LRMDA: variants seen among roughly 807,000 people sequenced by gnomAD.
The protein encoded by LRMDA is leucine rich melanocyte differentiation associated, also known as leucine-rich melanocyte differentiation-associated protein.
A neutral mutation model predicts 29.8 loss-of-function variants in LRMDA; 18 were observed. That is an observed-to-expected ratio of 0.60 (90% CI 0.42 to 0.90). The LOEUF (loss-of-function observed/expected upper bound fraction) is 0.90. Ranked by LOEUF, LRMDA falls within the 40% of genes least tolerant of loss-of-function variation. The probability of loss-of-function intolerance (pLI) is 0.00; values close to 1 mark genes in which losing one functional copy is unlikely to be tolerated. For synonymous variants in LRMDA, 125 were observed against 109.4 expected (o/e 1.14, Z -0.89); for missense variants, 273 against 273.9 (o/e 1.00, Z 0.02).
intron 5 of LRMDA, among the ~76,000 whole-genome samples, chr10:76,225,728 A>ATTTAT: frequency 1.4e-5 from 2 of 148,122 alleles, no homozygotes; most frequent in African/African-American, 2.5e-5. Flanking sequence ...TTATTATTAT[A>ATTTAT]TATATATTTT....
At chr10:76,043,642 T>G (rs1249895172) in intron 3 of LRMDA, among the ~76,000 whole-genome samples, 1 of 152,196 alleles carries the variant, frequency 6.6e-6, no homozygotes, top group Non-Finnish European at 1.5e-5. Context: ...AAGAAACCCT[T>G]GACGCATGAG....
At chr10:76,545,569 A>C (rs1350289425) in intron 6 of LRMDA, among the ~76,000 whole-genome samples, 1 of 151,658 alleles carries the variant, frequency 6.6e-6, no homozygotes, top group East Asian at 1.9e-4. Flanking sequence ...TTTCCTGTTA[A>C]TGTAATTGCA....
intron 2 of LRMDA, among the ~76,000 whole-genome samples, chr10:75,438,786 C>T (rs983840672): frequency 6.6e-6 from 1 of 152,210 alleles, no homozygotes; most frequent in Non-Finnish European, 1.5e-5. Context: ...CTTTTCATTT[C>T]TCACGGATAC....
intron 2 of LRMDA, among the ~76,000 whole-genome samples, chr10:75,909,038 A>G (rs1845803284): frequency 1.3e-5 from 2 of 152,152 alleles, no homozygotes; most frequent in African/African-American, 4.8e-5. Context: ...TTCTACAAAT[A>G]TTTGTTAAAT....
intron 2 of LRMDA, among the ~76,000 whole-genome samples, chr10:75,521,668 G>C (rs1302234992): frequency 6.6e-6 from 1 of 152,214 alleles, no homozygotes; most frequent in Non-Finnish European, 1.5e-5. Flanking sequence ...CACTTCCCAG[G>C]TGAGGCGATG....
At chr10:75,507,276 A>C (rs1469464532) in intron 2 of LRMDA, among the ~76,000 whole-genome samples, 2 of 152,124 alleles carry the variant, frequency 1.3e-5, no homozygotes, top group Non-Finnish European at 1.5e-5. Context: ...ACTACAGCCT[A>C]TTGGGGGCGA....
intron 2 of LRMDA, among the ~76,000 whole-genome samples, chr10:75,458,125 G>A (rs1200747043): frequency 1.3e-5 from 2 of 152,106 alleles, no homozygotes; most frequent in Non-Finnish European, 2.9e-5. Flanking sequence ...CTCCAAATGG[G>A]AGATAGAAGG....
chr10:76,514,116 G>C (rs1371774354), intron 6 of LRMDA, among the ~76,000 whole-genome samples: 2 of 152,150 alleles, frequency 1.3e-5, no homozygotes, highest in Non-Finnish European at 2.9e-5. Context: ...GCAACTTTAA[G>C]TAGCACCCCA....
rs1841189710 is a variant in LRMDA at position 76,352,498 on chromosome 10, A to G, written c.601+28013A>G. Among the ~76,000 whole-genome samples the G allele has an allele frequency of 4.6e-5, 7 of 152,076 alleles. No individual in the cohort carries two copies. The South Asian group carries it at 1.5e-3, about 32-fold the overall frequency. On this transcript the variant is annotated intron_variant, in intron 6 of 6. Coordinates refer to ENST00000611255, the MANE Select transcript of LRMDA (RefSeq NM_001305581.2). The stretch of plus-strand genomic sequence containing the variant: ...TCTATATACAGAATGGACACACTGG[A>G]CATAGCGATGACTCACATCCTGGGC...
In LRMDA at chr10:76,125,448, G is replaced by A. The variant is rs192718972; in HGVS notation, c.516+66665G>A. 1.6e-3 allele frequency among the ~76,000 whole-genome samples: 245 copies of A among 152,296 alleles called. 1 individual carries two copies. Among genetic ancestry groups the A allele is most frequent in the African/African-American group, 5.4e-3 (226 of 41,558 alleles). On this transcript the variant is annotated intron_variant, in intron 5 of 6. Coordinates refer to ENST00000611255, the MANE Select transcript of LRMDA (RefSeq NM_001305581.2). ...TGCTATGTTTACAGAATGTATATTT[G>A]GAAGTTGCATGTACTAATTGGATTT... is the stretch of plus-strand genomic sequence containing the variant.
intron 2 of LRMDA, chr10:75,450,456 A>T (rs1377792304): frequency 6.8e-6 from 1 of 147,288 alleles, no homozygotes; most frequent in Non-Finnish European, 1.5e-5. Context: ...GAAGACCAAC[A>T]AAAGAGGTTT....
chr10:76,530,809 C>T (rs184200218), intron 6 of LRMDA, among the ~76,000 whole-genome samples: 156 of 152,194 alleles, frequency 1.0e-3, no homozygotes, highest in African/African-American at 3.7e-3. Context: ...AGAGCTAGAC[C>T]GTACTCCACG....
chr10:76,507,293 G>T (rs1016137562), intron 6 of LRMDA, among the ~76,000 whole-genome samples: 7 of 151,096 alleles, frequency 4.6e-5, no homozygotes, highest in African/African-American at 1.7e-4. Flanking sequence ...AAAAAAATCA[G>T]ATTGTTATTA....
intron 6 of LRMDA, among the ~76,000 whole-genome samples, chr10:76,388,039 G>A (rs891591439): frequency 1.3e-5 from 2 of 152,162 alleles, no homozygotes; most frequent in African/African-American, 4.8e-5. Context: ...TTCTTTGAAC[G>A]AAAAATGTAG....
intron 2 of LRMDA, among the ~76,000 whole-genome samples, chr10:75,700,103 T>G (rs557145583): frequency 6.6e-6 from 1 of 152,306 alleles, no homozygotes; most frequent in South Asian, 2.1e-4. Context: ...AATCAGAGAA[T>G]AAATTTCTGG....
At chr10:75,490,172 A>G (rs865929398) in intron 2 of LRMDA, among the ~76,000 whole-genome samples, 6 of 152,216 alleles carry the variant, frequency 3.9e-5, no homozygotes, top group South Asian at 4.1e-4. Flanking sequence ...AAGGAGCTGG[A>G]ATGTGAGCCA....
chr10:76,310,246 G>A (rs1201199238), intron 5 of LRMDA, among the ~76,000 whole-genome samples: 2 of 152,032 alleles, frequency 1.3e-5, no homozygotes, highest in African/African-American at 4.8e-5. Flanking sequence ...CACATTAAGC[G>A]GCATTCTCAA....
chr10:75,597,189 A>T (rs996895005), intron 2 of LRMDA, among the ~76,000 whole-genome samples: 3 of 152,218 alleles, frequency 2.0e-5, no homozygotes, highest in Non-Finnish European at 4.4e-5. Flanking sequence ...CTTTTGTAAT[A>T]AAGATGCAGT....
chr10:76,110,227 C>G (rs1353478743), intron 5 of LRMDA, among the ~76,000 whole-genome samples: 1 of 152,208 alleles, frequency 6.6e-6, no homozygotes, highest in Non-Finnish European at 1.5e-5. Flanking sequence ...GTTGGCCGAT[C>G]TGTTCCACAT....
Sources: allele counts gnomAD v4.1 joint callset (sites outside exome capture counted in the v4.1 genomes callset), GRCh38; gene constraint gnomAD v4.1.1; transcripts MANE v1.5; gene names NCBI Gene and HGNC (gene_info 2026-07-23, HGNC 2026-07-21).